Variants in PLCE1 observed in about 807,000 individuals in gnomAD.
The protein encoded by PLCE1 is 1-phosphatidylinositol 4,5-bisphosphate phosphodiesterase epsilon-1.
Under a neutral mutation model 242.8 loss-of-function variants are expected in PLCE1, and 119 were observed. The observed-to-expected ratio is 0.49, with a 90% CI of 0.42 to 0.57. The LOEUF is 0.57. Among genes scored for constraint, PLCE1 ranks in the 20% least tolerant of loss-of-function variants. The pLI is 0.00. For missense variants in PLCE1, 2,441 were observed against 2,788.8 expected (o/e 0.88, Z 2.81); for synonymous variants, 945 against 1,017.4 (o/e 0.93, Z 1.35).
At chr10:94,147,687 A>T in intron 3 of PLCE1, among the ~76,000 whole-genome samples, 1 of 152,312 alleles carries the variant, frequency 6.6e-6, no homozygotes, top group South Asian at 2.1e-4. Flanking sequence ...GGGCATAGAG[A>T]TGGGAAACCA....
chr10:94,260,216 C>T (rs2132972622), intron 13 of PLCE1, among the ~76,000 whole-genome samples: 1 of 152,238 alleles, frequency 6.6e-6, no homozygotes, highest in Admixed American at 6.5e-5. Context: ...AGTCTCCTGC[C>T]CTTTGACAAG....
At chr10:94,146,742 G>A (rs1055386640) in intron 3 of PLCE1, among the ~76,000 whole-genome samples, 2 of 152,226 alleles carry the variant, frequency 1.3e-5, no homozygotes, top group Non-Finnish European at 2.9e-5. Flanking sequence ...CCTAGCTCAA[G>A]ATGGGGCTTT....
chr10:94,211,703 A>G (rs555919851), intron 4 of PLCE1, among the ~76,000 whole-genome samples: 42 of 152,332 alleles, frequency 2.8e-4, no homozygotes, highest in African/African-American at 9.9e-4. Flanking sequence ...AGTTCCTCCA[A>G]TGACATATTG....
chr10:94,057,998 T>G (rs1413538654), intron 2 of PLCE1, among the ~76,000 whole-genome samples: 1 of 152,204 alleles, frequency 6.6e-6, no homozygotes, highest in African/African-American at 2.4e-5. Flanking sequence ...GGCTTGACAT[T>G]TGAGAACCAG....
chr10:94,044,361 A>T (rs1467607073), intron 2 of PLCE1, among the ~76,000 whole-genome samples: 1 of 152,188 alleles, frequency 6.6e-6, no homozygotes, highest in African/African-American at 2.4e-5. Context: ...GAAACAATCC[A>T]TTCAAGCATC....
chr10:94,171,036 TA>T (rs2047957870), intron 3 of PLCE1, 143 bp from the exon 4 acceptor site: 1 of 728,276 alleles, frequency 1.4e-6, no homozygotes, highest in Non-Finnish European at 2.3e-6. Context: ...AAGGTCTTTG[TA>T]AAAAGAAAAA....
Position 94,152,762 on chromosome 10 carries a change from A to G in PLCE1, c.1493-18418A>G, listed in dbSNP as rs567190743. ...TCTGTAAATGTTAGCAAGTGATTTTATCAGTATCATTATTACTGCTTCCTT... is the reference window on the plus strand; with the variant it reads ...TCTGTAAATGTTAGCAAGTGATTTTGTCAGTATCATTATTACTGCTTCCTT... On this transcript the variant is annotated intron_variant, in intron 3 of 32. Transcript: ENST00000371380. 2.6e-5 allele frequency among the ~76,000 whole-genome samples: 4 copies of G among 152,356 alleles called. No individual in the cohort carries two copies. The South Asian group carries it at 6.2e-4, about 24-fold the overall frequency.
At chr10:94,109,052 C>T (rs1318998972) in intron 2 of PLCE1, 1 of 152,154 alleles carries the variant, frequency 6.6e-6, no homozygotes, top group Non-Finnish European at 1.5e-5. Flanking sequence ...TCCTCTGATT[C>T]CCAACTTCTT....
chr10:94,255,145 C>A, intron 11 of PLCE1, 96 bp downstream of exon 11: 1 of 1,441,392 alleles, frequency 6.9e-7, no homozygotes. Flanking sequence ...AAGACTATTT[C>A]ACATTTTGAT....
At chr10:94,325,667 ATTTT>A (rs2053988240) in intron 32 of PLCE1, 1 of 152,112 alleles carries the variant, frequency 6.6e-6, no homozygotes, top group East Asian at 1.9e-4. Context: ...CCCCTTATTT[ATTTT>A]GTAGATAAAT....
intron 2 of PLCE1, among the ~76,000 whole-genome samples, chr10:94,086,206 T>C (rs1223542614): frequency 6.6e-6 from 1 of 152,186 alleles, no homozygotes; most frequent in Admixed American, 6.5e-5. Context: ...GGAGATGGTA[T>C]CATTGCTCAA....
intron 7 of PLCE1, among the ~76,000 whole-genome samples, chr10:94,238,511 T>C (rs1018172165): frequency 6.6e-6 from 1 of 152,188 alleles, no homozygotes; most frequent in Non-Finnish European, 1.5e-5. Flanking sequence ...GTAGAGAGAC[T>C]AACCCTTAGC....
chr10:94,271,055 C>G (rs914900961), intron 18 of PLCE1, among the ~76,000 whole-genome samples: 3 of 152,084 alleles, frequency 2.0e-5, no homozygotes, highest in Non-Finnish European at 4.4e-5. Context: ...TCCCACAAAC[C>G]TGAGAAATTG....
At chr10:94,001,194 T>C (rs2060924183) in intron 1 of PLCE1, among the ~76,000 whole-genome samples, 1 of 152,186 alleles carries the variant, frequency 6.6e-6, no homozygotes, top group African/African-American at 2.4e-5. Context: ...TGCCTAATCT[T>C]GACAGGGCTG....
chr10:94,014,094 C>T (rs1302654567), intron 1 of PLCE1, among the ~76,000 whole-genome samples: 1 of 152,188 alleles, frequency 6.6e-6, no homozygotes, highest in Non-Finnish European at 1.5e-5. Flanking sequence ...CAGCTCAAAA[C>T]TGAAGAGGGG....
chr10:94,013,989 G>T (rs2061224294), intron 1 of PLCE1, among the ~76,000 whole-genome samples: 1 of 152,098 alleles, frequency 6.6e-6, no homozygotes, highest in Non-Finnish European at 1.5e-5. Context: ...ACATTGGTTT[G>T]TTTCACGGTG....
intron 22 of PLCE1, among the ~76,000 whole-genome samples, chr10:94,292,785 A>T (rs964640737): frequency 2.0e-5 from 3 of 152,230 alleles, no homozygotes; most frequent in Non-Finnish European, 4.4e-5. Context: ...AGTGGGAACA[A>T]TTTGGAGGCA....
chr10:94,257,453 A>T (rs2051139448), intron 11 of PLCE1, among the ~76,000 whole-genome samples: 1 of 152,184 alleles, frequency 6.6e-6, no homozygotes, highest in African/African-American at 2.4e-5. Flanking sequence ...TCATGCTGCT[A>T]TAAAGACACA....
chr10:94,003,613 C>T (rs1409715072), intron 1 of PLCE1, among the ~76,000 whole-genome samples: 11 of 150,066 alleles, frequency 7.3e-5, no homozygotes, highest in Non-Finnish European at 1.5e-5. Context: ...TTATTTGCTG[C>T]TCCTGAGTGT....
Sources: gnomAD v4.1 joint callset for allele counts (sites outside exome capture counted in the v4.1 genomes callset) on GRCh38, gnomAD v4.1.1 for gene constraint, MANE v1.5 for transcripts, NCBI Gene and HGNC (gene_info 2026-07-23, HGNC 2026-07-21) for gene names.